ISM1: variants seen among roughly 807,000 people sequenced by gnomAD.
ISM1 encodes the protein isthmin-1.
A neutral mutation model predicts 46.3 loss-of-function variants in ISM1; 25 were observed. The ratio of observed to expected loss-of-function variants is 0.54; its 90% CI spans 0.39 to 0.75. The LOEUF (loss-of-function observed/expected upper bound fraction) is 0.75, where lower values mean the gene tolerates loss of function less well. Among genes scored for constraint, ISM1 ranks in the 30% least tolerant of loss-of-function variants. The pLI is 0.00. For missense variants in ISM1, 536 were observed against 625.4 expected (o/e 0.86, Z 1.52); for synonymous variants, 255 against 256.7 (o/e 0.99, Z 0.06).
rs570726797 is a variant in ISM1, at chr20:13,249,371, G to A, written c.139-21133G>A. Among the ~76,000 whole-genome samples the A allele has an allele frequency of 4.3e-4, 65 of 152,266 alleles. 1 individual carries two copies. The highest frequency in any genetic ancestry group is 1.5e-3 in the African/African-American group (61 of 41,550). On this transcript the variant is annotated intron_variant, in intron 1 of 5. Coordinates refer to ENST00000262487, the MANE Select transcript of ISM1 (RefSeq NM_080826.2). ...CTAGTTCTGCCAGCAGACCACTGCC[G>A]CCAGACATGAAACACGGGCAGGCCA...
intron 1 of ISM1, among the ~76,000 whole-genome samples, chr20:13,227,003 G>A (rs561030430): frequency 6.6e-6 from 1 of 152,242 alleles, no homozygotes; most frequent in African/African-American, 2.4e-5. Flanking sequence ...CATAGTGCAA[G>A]GACATAAAGT....
chr20:13,304,692 AC>A (rs1243693289), downstream of ISM1, among the ~76,000 whole-genome samples: 1 of 151,768 alleles, frequency 6.6e-6, no homozygotes, highest in African/African-American at 2.4e-5. Flanking sequence ...GAATCAGTAA[AC>A]CCATAAGACT....
chr20:13,301,148 T>G (rs2123344286), downstream of ISM1, among the ~76,000 whole-genome samples: 1 of 152,294 alleles, frequency 6.6e-6, no homozygotes, highest in South Asian at 2.1e-4. Context: ...CCTTAAGTTA[T>G]CCTGACACAA....
rs140735108 is a variant in ISM1, at chr20:13,292,951, C to T, written c.877+488C>T. ...GTGGGTCATGCCTATAATCCTAGCA[C>T]TTTGGGAGGCTGAGGCGGGCAGATC... On this transcript the variant is annotated intron_variant, in intron 5 of 5. Coordinates refer to ENST00000262487, the MANE Select transcript of ISM1 (RefSeq NM_080826.2). Among the ~76,000 whole-genome samples the T allele has an allele frequency of 4.3e-3, 651 of 152,214 alleles. 6 individuals are homozygous for T. The highest frequency in any genetic ancestry group is 0.015 in the African/African-American group (614 of 41,550).
the ISM1 span, among the ~76,000 whole-genome samples, chr20:13,306,448 TG>T: frequency 6.6e-6 from 1 of 152,134 alleles, no homozygotes; most frequent in Non-Finnish European, 1.5e-5. Flanking sequence ...GGTTTTGCTT[TG>T]TCTAGTTATA....
At chr20:13,315,498 T>C in the ISM1 span, among the ~76,000 whole-genome samples, 1 of 146,448 alleles carries the variant, frequency 6.8e-6, no homozygotes, top group Non-Finnish European at 1.5e-5. Context: ...CAATCCTTAA[T>C]ATGTATTCAC....
intron 2 of ISM1, among the ~76,000 whole-genome samples, chr20:13,272,622 C>G (rs1294078339): frequency 2.0e-5 from 3 of 152,190 alleles, no homozygotes; most frequent in Admixed American, 2.0e-4. Flanking sequence ...GCACAGAAAT[C>G]ACTACAAGCC....
intron 2 of ISM1, among the ~76,000 whole-genome samples, chr20:13,279,216 G>C (rs1440841226): frequency 6.6e-6 from 1 of 152,188 alleles, no homozygotes; most frequent in Non-Finnish European, 1.5e-5. Context: ...ATTATAATAT[G>C]ATTATTCTGG....
chr20:13,321,732 T>C, the ISM1 span, among the ~76,000 whole-genome samples: 2 of 152,196 alleles, frequency 1.3e-5, no homozygotes, highest in Non-Finnish European at 1.5e-5. Flanking sequence ...ACATAACTAT[T>C]TTTCACATGT....
At chr20:13,281,626 A>G (rs895164440) in intron 3 of ISM1, among the ~76,000 whole-genome samples, 28 of 152,230 alleles carry the variant, frequency 1.8e-4, no homozygotes, top group Non-Finnish European at 3.2e-4. Context: ...CTTGACCACT[A>G]TACAATTCTG....
At chr20:13,257,504 C>A (rs1315956527) in intron 1 of ISM1, among the ~76,000 whole-genome samples, 10 of 152,086 alleles carry the variant, frequency 6.6e-5, no homozygotes, top group Admixed American at 5.9e-4. Flanking sequence ...CTCATCTGAC[C>A]CACTGAATAG....
chr20:13,312,814 C>T, the ISM1 span, among the ~76,000 whole-genome samples: 2 of 152,284 alleles, frequency 1.3e-5, no homozygotes, highest in Admixed American at 1.3e-4. Context: ...AGTGGGCTTG[C>T]CATGATCACA....
chr20:13,247,758 C>T (rs758407692), intron 1 of ISM1, among the ~76,000 whole-genome samples: 4 of 152,090 alleles, frequency 2.6e-5, no homozygotes, highest in African/African-American at 9.7e-5. Context: ...CAGGAAGTGA[C>T]TTACAGCCCC....
chr20:13,246,077 G>A (rs2039788893), intron 1 of ISM1, among the ~76,000 whole-genome samples: 1 of 152,080 alleles, frequency 6.6e-6, no homozygotes, highest in African/African-American at 2.4e-5. Flanking sequence ...AGACCAGCTG[G>A]CCAACATGGT....
At chr20:13,289,396 G>A (rs559882323) in intron 4 of ISM1, among the ~76,000 whole-genome samples, 8 of 152,200 alleles carry the variant, frequency 5.3e-5, no homozygotes, top group Non-Finnish European at 1.2e-4. Flanking sequence ...TCCCAGGAGC[G>A]CAACCTGGGG....
chr20:13,291,048 T>C (rs1032565203), intron 4 of ISM1, among the ~76,000 whole-genome samples: 1 of 152,220 alleles, frequency 6.6e-6, no homozygotes, highest in Non-Finnish European at 1.5e-5. Flanking sequence ...TTTGGGGGCT[T>C]TCCTGTTGTT....
At chr20:13,258,495 T>C (rs1396436509) in intron 1 of ISM1, among the ~76,000 whole-genome samples, 1 of 152,188 alleles carries the variant, frequency 6.6e-6, no homozygotes, top group Non-Finnish European at 1.5e-5. Context: ...GAGGGTGCCA[T>C]TCATTCCCTG....
chr20:13,299,185 C>T lies in ISM1; in HGVS notation c.1121C>T (p.Ser374Phe), dbSNP rs1489300083. 17 of 1,606,440 alleles carry T rather than the reference C, an allele frequency of 1.1e-5. No individual in the cohort carries two copies. The highest frequency in any genetic ancestry group is 1.4e-5 in the Non-Finnish European group (16 of 1,176,490). Residue 374 changes from serine to phenylalanine, a missense_variant, in exon 6 of 6, where the codon TCC becomes TTC. Physicochemically the swap from Ser to Phe is radical, Grantham distance 155. Transcript: ENST00000262487. This position sits in a 1 kb window ranked among gnomAD's most constrained non-coding sequence, Gnocchi z 5.8. ...TARYCIRSML[S>F]LESTTLAAQH... Reference sequence around the variant, plus strand: ...CGGTACTGCATCCGCTCCATGCTGTCCCTGGAGAGCACCACGCTGGCGGCA... The same window carrying T: ...CGGTACTGCATCCGCTCCATGCTGTTCCTGGAGAGCACCACGCTGGCGGCA...
intron 1 of ISM1, among the ~76,000 whole-genome samples, chr20:13,267,511 G>A (rs2040056415): frequency 6.6e-6 from 1 of 152,168 alleles, no homozygotes; most frequent in African/African-American, 2.4e-5. Context: ...ATCCTGCGGG[G>A]AGGGTACAGG....
Sources: allele counts gnomAD v4.1 joint callset (sites outside exome capture counted in the v4.1 genomes callset), GRCh38; gene constraint gnomAD v4.1.1; non-coding constraint Gnocchi (gnomAD v3.1); transcripts MANE v1.5; gene names NCBI Gene and HGNC (gene_info 2026-07-23, HGNC 2026-07-21).